The following ASIC2 variants were observed in gnomAD, a reference collection of about 807,000 sequenced individuals.
The protein encoded by ASIC2 is acid sensing ion channel subunit 2.
ASIC2 carries 25 observed loss-of-function variants against 57.3 expected under a neutral mutation model. The ratio of observed to expected loss-of-function variants is 0.44; its 90% confidence interval spans 0.32 to 0.61. The LOEUF is 0.61. ASIC2 is among the 20% of genes least tolerant of loss of function. The pLI is 0.06. For synonymous variants in ASIC2, 319 were observed against 307.5 expected, an observed-to-expected ratio of 1.04 and a Z score of -0.39; for missense variants, 641 against 738.1, an observed-to-expected ratio of 0.87 and a Z score of 1.52.
At chr17:33,658,867 G>A (rs1017565162) in intron 1 of ASIC2, among the ~76,000 whole-genome samples, 5 of 152,094 alleles carry the variant, frequency 3.3e-5, no homozygotes, top group Non-Finnish European at 7.4e-5. Context: ...GCCAGCCATG[G>A]TAGTTGGCAC....
chr17:33,990,120 A>T (rs1905954673), intron 1 of ASIC2, among the ~76,000 whole-genome samples: 1 of 152,216 alleles, frequency 6.6e-6, no homozygotes. Context: ...GATCTGATGT[A>T]TGTTGAGCTT....
chr17:34,126,500 A>T (rs898130536), intron 1 of ASIC2, among the ~76,000 whole-genome samples: 1 of 152,024 alleles, frequency 6.6e-6, no homozygotes, highest in East Asian at 1.9e-4. Flanking sequence ...CATGCCAAGG[A>T]CCTCAGTCCT....
At chr17:33,853,528 C>T (rs1340574254) in intron 1 of ASIC2, among the ~76,000 whole-genome samples, 2 of 152,204 alleles carry the variant, frequency 1.3e-5, no homozygotes, top group African/African-American at 4.8e-5. Context: ...AGCGACAACT[C>T]CAGTTCCGTA....
intron 1 of ASIC2, among the ~76,000 whole-genome samples, chr17:33,634,367 C>T: frequency 6.6e-6 from 1 of 152,176 alleles, no homozygotes; most frequent in Non-Finnish European, 1.5e-5. Flanking sequence ...GTTTCTGGCC[C>T]TATCCCAAGG....
At chr17:33,995,418 A>G (rs1325982142) in intron 1 of ASIC2, among the ~76,000 whole-genome samples, 2 of 149,148 alleles carry the variant, frequency 1.3e-5, no homozygotes, top group African/African-American at 2.5e-5. Flanking sequence ...TCTCCTCCTC[A>G]CTCTCTGGCA....
At chr17:33,952,390 A>G (rs1904606348) in intron 1 of ASIC2, among the ~76,000 whole-genome samples, 1 of 152,208 alleles carries the variant, frequency 6.6e-6, no homozygotes, top group Non-Finnish European at 1.5e-5. Flanking sequence ...ATCCTAGGCA[A>G]GGTACTTCGC....
intron 1 of ASIC2, among the ~76,000 whole-genome samples, chr17:33,203,702 C>A (rs774805307): frequency 1.2e-4 from 18 of 152,102 alleles, no homozygotes; most frequent in Admixed American, 3.9e-4. Flanking sequence ...TTTCTGGGAC[C>A]TGCCCTGCAC....
At chr17:33,862,601 T>C (rs1238959491) in intron 1 of ASIC2, among the ~76,000 whole-genome samples, 1 of 152,218 alleles carries the variant, frequency 6.6e-6, no homozygotes, top group African/African-American at 2.4e-5. Context: ...AGTATCCATA[T>C]TTGAACTCAC....
At chr17:33,295,749 C>T (rs548877506), upstream of ASIC2, among the ~76,000 whole-genome samples, 1 of 152,322 alleles carries the variant, frequency 6.6e-6, no homozygotes, top group Admixed American at 6.5e-5. Context: ...GCTAGTATTT[C>T]TTGAACAACT....
intron 1 of ASIC2, among the ~76,000 whole-genome samples, chr17:33,577,190 G>C (rs751675522): frequency 1.3e-5 from 2 of 152,162 alleles, no homozygotes; most frequent in Non-Finnish European, 2.9e-5. Flanking sequence ...TTTATACACA[G>C]TATCCCAGGG....
chr17:33,114,152 A>G (rs1413582857), intron 1 of ASIC2, among the ~76,000 whole-genome samples: 1 of 152,246 alleles, frequency 6.6e-6, no homozygotes, highest in African/African-American at 2.4e-5. Context: ...GCACTATTTC[A>G]GGACAGCCAA....
rs5820015 is a variant in ASIC2, at chr17:33,087,575, GT to G, written c.987+1287del. ...GCTCACGTATAGATTTACAACCAGT[GT>G]TTTTTTTTTTTTTTTTTTTGAGACA... is the stretch of plus-strand genomic sequence containing the variant. On this transcript the variant is annotated intron_variant, in intron 3 of 9. Transcript: ENST00000225823. 4.8e-3 allele frequency among the ~76,000 whole-genome samples: 538 copies of G among 111,026 alleles called. 4 individuals are homozygous for G. The highest frequency in any genetic ancestry group is 0.016 in the African/African-American group (437 of 27,704). 72.8% of individuals were successfully genotyped at this position (111,026 alleles called of 152,430 possible).
chr17:33,463,373 T>C (rs1424623442), intron 1 of ASIC2, among the ~76,000 whole-genome samples: 2 of 152,182 alleles, frequency 1.3e-5, no homozygotes, highest in Non-Finnish European at 2.9e-5. Flanking sequence ...TGATTCTCCT[T>C]CTCCTTCTTC....
At chr17:33,447,808 C>A (rs1912081981) in intron 1 of ASIC2, among the ~76,000 whole-genome samples, 1 of 144,358 alleles carries the variant, frequency 6.9e-6, no homozygotes, top group African/African-American at 2.6e-5. Context: ...CTATAGCTTA[C>A]AATAATCTAT....
At chr17:33,836,767 C>T (rs552282472) in intron 1 of ASIC2, among the ~76,000 whole-genome samples, 108 of 152,150 alleles carry the variant, frequency 7.1e-4, no homozygotes, top group Non-Finnish European at 1.1e-3. Context: ...GCAGGAGAGT[C>T]GCTTGAATCT....
At chr17:33,045,046 A>C (rs2091947501) in intron 3 of ASIC2, among the ~76,000 whole-genome samples, 1 of 152,168 alleles carries the variant, frequency 6.6e-6, no homozygotes, top group Non-Finnish European at 1.5e-5. Context: ...GCAATACAGC[A>C]AGGCTGGCAT....
intron 1 of ASIC2, among the ~76,000 whole-genome samples, chr17:33,551,094 T>C (rs1328578146): frequency 6.6e-6 from 1 of 152,190 alleles, no homozygotes; most frequent in Non-Finnish European, 1.5e-5. Context: ...AAAACTTGAA[T>C]ACCAAGAAAG....
intron 1 of ASIC2, chr17:34,003,974 CCAT>C (rs1422175916): frequency 5.3e-5 from 8 of 152,198 alleles, no homozygotes; most frequent in Admixed American, 5.2e-4. Flanking sequence ...ATGCAATTGG[CCAT>C]CTGATGCCTG....
At chr17:33,033,276 G>A (rs934853063) in intron 3 of ASIC2, among the ~76,000 whole-genome samples, 2 of 152,178 alleles carry the variant, frequency 1.3e-5, no homozygotes, top group Non-Finnish European at 2.9e-5. Context: ...GGCTACAGCC[G>A]CCCAAACTGC....
Sources: allele counts gnomAD v4.1 joint callset (sites outside exome capture counted in the v4.1 genomes callset), GRCh38; gene constraint gnomAD v4.1.1; transcripts MANE v1.5; gene names NCBI Gene and HGNC (gene_info 2026-07-23, HGNC 2026-07-21).